LARGE1: variants seen among roughly 807,000 people sequenced by gnomAD.
LARGE1 encodes the protein xylosyl- and glucuronyltransferase LARGE1.
Under a neutral mutation model 87.6 loss-of-function variants are expected in LARGE1, and 43 were observed. The ratio of observed to expected loss-of-function variants is 0.49; its 90% CI spans 0.38 to 0.63. The LOEUF (loss-of-function observed/expected upper bound fraction) is 0.63. LARGE1 is among the 30% of genes least tolerant of loss of function. The pLI is 0.00. For missense variants in LARGE1, 802 were observed against 1,000.2 expected, an observed-to-expected ratio of 0.80 and a Z score of 2.67; for synonymous variants, 434 against 394.6, an observed-to-expected ratio of 1.10 and a Z score of -1.18.
intron 6 of LARGE1, among the ~76,000 whole-genome samples, chr22:33,535,727 T>C (rs149006669): frequency 1.3e-4 from 20 of 152,258 alleles, no homozygotes; most frequent in African/African-American, 4.6e-4. Flanking sequence ...CTGGAACCTC[T>C]CACGGCTGAG....
At chr22:33,212,857 A>C (rs946507946) in intron 11 of LARGE1, among the ~76,000 whole-genome samples, 1 of 152,078 alleles carries the variant, frequency 6.6e-6, no homozygotes, top group African/African-American at 2.4e-5. Flanking sequence ...CTCTACTAAA[A>C]ATACAAAAAA....
At chr22:33,731,324 A>C (rs2083460683) in intron 2 of LARGE1, among the ~76,000 whole-genome samples, 1 of 152,168 alleles carries the variant, frequency 6.6e-6, no homozygotes, top group Non-Finnish European at 1.5e-5. Flanking sequence ...TCTAAGTAGA[A>C]TGACCCGAGA....
chr22:33,394,342 G>A (rs1291172964), intron 7 of LARGE1, among the ~76,000 whole-genome samples: 1 of 152,060 alleles, frequency 6.6e-6, no homozygotes, highest in Non-Finnish European at 1.5e-5. Flanking sequence ...GGCACTACAG[G>A]CGTGTGCCAC....
intron 1 of LARGE1, among the ~76,000 whole-genome samples, chr22:33,808,741 G>C (rs1477038918): frequency 6.6e-6 from 1 of 152,202 alleles, no homozygotes; most frequent in East Asian, 1.9e-4. Flanking sequence ...TTCATGCAAA[G>C]TCTATCCTCT....
chr22:33,586,641 T>C (rs547750658), intron 5 of LARGE1, among the ~76,000 whole-genome samples: 1 of 152,024 alleles, frequency 6.6e-6, no homozygotes, highest in Non-Finnish European at 1.5e-5. Context: ...GTATTTTTAG[T>C]AGAGATGGGG....
chr22:33,315,086 G>T (rs1157730712), intron 11 of LARGE1, among the ~76,000 whole-genome samples: 1 of 152,172 alleles, frequency 6.6e-6, no homozygotes, highest in Non-Finnish European at 1.5e-5. Context: ...GCTGGTGCCT[G>T]CAGTCCCAGC....
intron 8 of LARGE1, 143 bp from the exon 9 acceptor site, chr22:33,382,187 A>AAGAGAGATGCC: frequency 2.0e-6 from 2 of 1,022,990 alleles, no homozygotes; most frequent in Non-Finnish European, 2.9e-6. Context: ...ACTGTGAGGC[A>AAGAGAGATGCC]TCTCTCTTGC....
intron 6 of LARGE1, 95 bp from the exon 7 acceptor site, chr22:33,432,360 C>T: frequency 1.1e-6 from 1 of 887,228 alleles, no homozygotes; most frequent in South Asian, 1.4e-5. Flanking sequence ...CAAATCATCA[C>T]AACAACAGTA....
At chr22:33,245,352 C>T (rs1273424447) in intron 11 of LARGE1, among the ~76,000 whole-genome samples, 1 of 152,166 alleles carries the variant, frequency 6.6e-6, no homozygotes, top group East Asian at 1.9e-4. Flanking sequence ...TTTCAAAACA[C>T]TCCCATAATA....
intron 6 of LARGE1, among the ~76,000 whole-genome samples, chr22:33,437,479 C>T (rs1293140135): frequency 4.6e-5 from 7 of 151,430 alleles, no homozygotes; most frequent in Admixed American, 4.6e-4. Flanking sequence ...TTTTTTTTTC[C>T]TCTAAGCACA....
upstream of LARGE1, among the ~76,000 whole-genome samples, chr22:33,922,192 G>A (rs1054455713): frequency 7.3e-5 from 11 of 151,424 alleles, no homozygotes; most frequent in Admixed American, 3.3e-4. Flanking sequence ...GCAGGGGAAG[G>A]ATGGGCTGGG....
chr22:33,906,064 AG>A (rs773854384), intron 1 of LARGE1, among the ~76,000 whole-genome samples: 19 of 152,190 alleles, frequency 1.2e-4, no homozygotes, highest in Non-Finnish European at 2.5e-4. Flanking sequence ...TGGGAGGCGG[AG>A]GTTGCAGTGA....
At chr22:33,658,343 G>C (rs940625222) in intron 2 of LARGE1, among the ~76,000 whole-genome samples, 1 of 152,094 alleles carries the variant, frequency 6.6e-6, no homozygotes, top group Non-Finnish European at 1.5e-5. Flanking sequence ...TTTGTTACAT[G>C]GTAAACATGT....
chr22:33,412,785 C>G (rs1052809501), intron 7 of LARGE1, among the ~76,000 whole-genome samples: 3 of 152,084 alleles, frequency 2.0e-5, no homozygotes, highest in Non-Finnish European at 4.4e-5. Flanking sequence ...CTCAGCCTCC[C>G]GAGTAGCTGC....
At chr22:33,507,998 C>T (rs540264299) in intron 6 of LARGE1, among the ~76,000 whole-genome samples, 1 of 152,208 alleles carries the variant, frequency 6.6e-6, no homozygotes, top group African/African-American at 2.4e-5. Flanking sequence ...AATTTTATAC[C>T]TTTGGGTTGA....
intron 11 of LARGE1, among the ~76,000 whole-genome samples, chr22:33,180,622 A>G (rs1481794755): frequency 6.6e-6 from 1 of 152,258 alleles, no homozygotes; most frequent in Admixed American, 6.5e-5. Context: ...ATGTGTCACA[A>G]TTATTCATAG....
intron 7 of LARGE1, among the ~76,000 whole-genome samples, chr22:33,426,206 T>C (rs1569153238): frequency 6.6e-6 from 1 of 152,228 alleles, no homozygotes. Context: ...TTTGCAGATA[T>C]GCAAACGCTT....
At chr22:33,516,417 ATGGCT>A (rs1023340507) in intron 6 of LARGE1, among the ~76,000 whole-genome samples, 2 of 152,076 alleles carry the variant, frequency 1.3e-5, no homozygotes, top group Non-Finnish European at 2.9e-5. Context: ...GCTTGGTTTA[ATGGCT>A]TGCTATCACC....
At chr22:33,619,615 T>C (rs1421045967) in intron 4 of LARGE1, among the ~76,000 whole-genome samples, 1 of 151,902 alleles carries the variant, frequency 6.6e-6, no homozygotes, top group East Asian at 1.9e-4. Flanking sequence ...TGAGAACTTC[T>C]TTTTGTTGAG....
Sources: gnomAD v4.1 joint callset for allele counts (sites outside exome capture counted in the v4.1 genomes callset) on GRCh38, gnomAD v4.1.1 for gene constraint, MANE v1.5 for transcripts, NCBI Gene and HGNC (gene_info 2026-07-23, HGNC 2026-07-21) for gene names.